PPARGC1B: variants seen among roughly 807,000 people sequenced by gnomAD.
PPARGC1B encodes the protein PPARG coactivator 1 beta.
In PPARGC1B, 34 loss-of-function variants were observed where a neutral mutation model predicts 101.6. The ratio of observed to expected loss-of-function variants is 0.33; its 90% CI spans 0.25 to 0.45. The LOEUF (loss-of-function observed/expected upper bound fraction) is 0.45. Ranked by LOEUF, PPARGC1B falls within the 20% of genes least tolerant of loss-of-function variation. The pLI is 1.00. For synonymous variants in PPARGC1B, 548 were observed against 539.3 expected (o/e 1.02, Z -0.22); for missense variants, 1,234 against 1,317.6 (o/e 0.94, Z 0.98).
chr5:149,776,523 C>T (rs1439079437), intron 1 of PPARGC1B, among the ~76,000 whole-genome samples: 1 of 152,224 alleles, frequency 6.6e-6, no homozygotes, highest in East Asian at 1.9e-4. Flanking sequence ...GGAACACCCA[C>T]ATGCTCCCTG....
At chr5:149,824,985 T>A (rs1758452147) in intron 2 of PPARGC1B, among the ~76,000 whole-genome samples, 1 of 152,226 alleles carries the variant, frequency 6.6e-6, no homozygotes, top group East Asian at 1.9e-4. Flanking sequence ...TCACGAGACG[T>A]GTATTTCAGA....
chr5:149,805,690 C>T (rs542839560), intron 1 of PPARGC1B, among the ~76,000 whole-genome samples: 116 of 152,338 alleles, frequency 7.6e-4, no homozygotes, highest in African/African-American at 2.6e-3. Flanking sequence ...TCTGACCCAC[C>T]CACCTTGGTG....
In PPARGC1B at chr5:149,837,130, G is replaced by C; in HGVS notation, c.2618+57G>C. On this transcript the variant is annotated intron_variant, in intron 8 of 11. Coordinates refer to ENST00000309241, the MANE Select transcript of PPARGC1B (RefSeq NM_133263.4). This position sits in a 1 kb window ranked among gnomAD's most constrained non-coding sequence, Gnocchi z 4.2. Reference sequence around the variant, plus strand: ...GGCAGTGGAGGATCCCAGTTCCCGGGGAGCCAGGAGCCCCAGGAGGGAGGA... The same window carrying C: ...GGCAGTGGAGGATCCCAGTTCCCGGCGAGCCAGGAGCCCCAGGAGGGAGGA... The C allele has an allele frequency of 1.3e-6, 2 of 1,531,800 alleles. No individual in the cohort carries two copies. The highest frequency in any genetic ancestry group is 1.8e-6 in the Non-Finnish European group (2 of 1,140,970). The allele number at this position is 1,531,800 out of a possible 1,614,324, so 94.9% of individuals were successfully genotyped here.
At chr5:149,822,330 C>A (rs1049987406) in intron 2 of PPARGC1B, among the ~76,000 whole-genome samples, 2 of 152,150 alleles carry the variant, frequency 1.3e-5, no homozygotes, top group African/African-American at 4.8e-5. Flanking sequence ...CTTGGTGCGG[C>A]CCCAGTCCTG....
intron 1 of PPARGC1B, among the ~76,000 whole-genome samples, chr5:149,763,987 G>A (rs1018097902): frequency 6.6e-6 from 1 of 151,974 alleles, no homozygotes; most frequent in South Asian, 2.1e-4. Flanking sequence ...GCCACTCCTG[G>A]GGCTTTTCCC....
chr5:149,809,753 A>G (rs1219714612), intron 1 of PPARGC1B, among the ~76,000 whole-genome samples: 3 of 152,012 alleles, frequency 2.0e-5, no homozygotes, highest in Non-Finnish European at 2.9e-5. Context: ...ACCACAATTT[A>G]AAAACATACT....
rs1271306479 is a variant in PPARGC1B at position 149,853,256 on chromosome 5, C to T, written c.*5698C>T. 1 of 152,232 alleles carries T rather than the reference C, an allele frequency of 6.6e-6. No homozygotes were observed. Among genetic ancestry groups the T allele is most frequent in the African/African-American group, 2.4e-5 (1 of 41,454 alleles). The allele number at this position is 152,232 out of a possible 1,614,324, so 9.4% of individuals were successfully genotyped here. ...TACCCAGATGGAAGGCAAATAAATC[C>T]TTTCGGCCACCCTGCTGTCCATCGT... is the stretch of plus-strand genomic sequence containing the variant. On this transcript the variant is annotated 3_prime_UTR_variant, in exon 12 of 12. Coordinates refer to ENST00000309241, the MANE Select transcript of PPARGC1B (RefSeq NM_133263.4). This position sits in a 1 kb window ranked among gnomAD's most constrained non-coding sequence, Gnocchi z 4.2.
chr5:149,750,456 ATATATATATATATAT>A (rs1755249698), intron 1 of PPARGC1B, among the ~76,000 whole-genome samples: 3 of 4,368 alleles, frequency 6.9e-4, no homozygotes, highest in Non-Finnish European at 9.2e-4. Flanking sequence ...TAGTTAAAAT[ATATATATATATATAT>A]ATATATATAT....
intron 1 of PPARGC1B, among the ~76,000 whole-genome samples, chr5:149,792,909 C>T (rs554868009): frequency 6.6e-6 from 1 of 152,164 alleles, no homozygotes; most frequent in African/African-American, 2.4e-5. Context: ...CTTCTACCCA[C>T]TGGAGTCTCG....
Position 149,834,666 on chromosome 5 carries a change from C to T in PPARGC1B, c.1706-8C>T, listed in dbSNP as rs1758968293. The T allele has an allele frequency of 6.2e-7, 1 of 1,613,036 alleles. No homozygotes were observed. The highest frequency in any genetic ancestry group is 1.3e-5 in the African/African-American group (1 of 74,904). ...GGGGAATCTTATTTTTCTGTGTCTT[C>T]TTTTCAGACTCTCCCAGGTGCCTCA... On this transcript the variant is annotated splice_region_variant and splice_polypyrimidine_tract_variant and intron_variant, in intron 5 of 11. Transcript: ENST00000309241.
chr5:149,769,236 G>A (rs1009272253), intron 1 of PPARGC1B, among the ~76,000 whole-genome samples: 1 of 152,186 alleles, frequency 6.6e-6, no homozygotes, highest in African/African-American at 2.4e-5. Flanking sequence ...GCGTGCCATG[G>A]GGAGCAGCTG....
chr5:149,784,582 T>TTC, intron 1 of PPARGC1B, among the ~76,000 whole-genome samples: 1 of 129,436 alleles, frequency 7.7e-6, no homozygotes, highest in Non-Finnish European at 1.6e-5. Flanking sequence ...TTTTTTTTTT[T>TTC]TCTGAGGTGG....
chr5:149,749,463 G>A (rs755170525), intron 1 of PPARGC1B, among the ~76,000 whole-genome samples: 1 of 152,100 alleles, frequency 6.6e-6, no homozygotes, highest in African/African-American at 2.4e-5. Context: ...GAGCCCCTCC[G>A]CTACTGCTGT....
intron 1 of PPARGC1B, chr5:149,739,853 A>T (rs925085091): frequency 3.9e-5 from 6 of 152,280 alleles, no homozygotes; most frequent in Non-Finnish European, 7.3e-5. Flanking sequence ...AGGGAGAGGG[A>T]GCCAAGGGGT....
chr5:149,811,099 G>A (rs1365110177), intron 1 of PPARGC1B, among the ~76,000 whole-genome samples: 1 of 152,136 alleles, frequency 6.6e-6, no homozygotes. Context: ...GTCTTTTAGC[G>A]AAGCCATATG....
chr5:149,842,660 A>G lies in PPARGC1B; in HGVS notation c.2816+283A>G, dbSNP rs78674817. The stretch of plus-strand genomic sequence containing the variant: ...GGACATAAGCACTCCTGGTCTTTCA[A>G]TTGCTCTCCTTTCTGCAGGAGTTCA... On this transcript the variant is annotated intron_variant, in intron 10 of 11. Coordinates refer to ENST00000309241, the MANE Select transcript of PPARGC1B (RefSeq NM_133263.4). Among the ~76,000 whole-genome samples the G allele has an allele frequency of 9.3e-3, 1,418 of 152,340 alleles. 11 individuals are homozygous for G. The highest frequency in any genetic ancestry group is 0.032 in the African/African-American group (1,322 of 41,582).
In PPARGC1B at chr5:149,826,918, G is replaced by A. The variant is rs376027834; in HGVS notation, c.465+33G>A. 7 of 1,518,180 alleles carry A rather than the reference G, an allele frequency of 4.6e-6. No homozygotes were observed. In the African/African-American group the frequency reaches 9.6e-5, roughly 21 times the overall value. 94.0% of individuals were successfully genotyped at this position (1,518,180 alleles called of 1,614,324 possible). A position where few individuals can be genotyped will look rare whatever the true frequency, so the allele number is the denominator to read the frequency against. ...CCTACTTACAGCAGAAGTGATGGTT[G>A]CAGCCTGGGATTAGGTTTCTGGTTC... is the stretch of plus-strand genomic sequence containing the variant. On this transcript the variant is annotated intron_variant, in intron 3 of 11. Coordinates refer to ENST00000309241, the MANE Select transcript of PPARGC1B (RefSeq NM_133263.4).
chr5:149,746,805 A>T (rs1755109829), intron 1 of PPARGC1B, among the ~76,000 whole-genome samples: 1 of 152,148 alleles, frequency 6.6e-6, no homozygotes, highest in Non-Finnish European at 1.5e-5. Flanking sequence ...ATCCTAATGG[A>T]TGTGAGGTGG....
intron 3 of PPARGC1B, among the ~76,000 whole-genome samples, chr5:149,829,930 G>A (rs1185549674): frequency 6.7e-6 from 1 of 150,342 alleles, no homozygotes; most frequent in African/African-American, 2.5e-5. Context: ...AGCTACTTGG[G>A]AGGCTGAGGC....
Sources: gnomAD v4.1 joint callset for allele counts (sites outside exome capture counted in the v4.1 genomes callset) on GRCh38, gnomAD v4.1.1 for gene constraint, Gnocchi (gnomAD v3.1) non-coding constraint, MANE v1.5 for transcripts, NCBI Gene and HGNC (gene_info 2026-07-23, HGNC 2026-07-21) for gene names.